USP47: variants seen among roughly 807,000 people sequenced by gnomAD.
The protein encoded by USP47 is ubiquitin specific peptidase 47, also known as ubiquitin carboxyl-terminal hydrolase 47.
USP47 carries 35 observed loss-of-function variants against 165.1 expected under a neutral mutation model. The ratio of observed to expected loss-of-function variants is 0.21; its 90% confidence interval spans 0.16 to 0.28. USP47 has a LOEUF of 0.28. USP47 is among the 10% of genes least tolerant of loss of function. USP47 has a pLI of 1.00. For synonymous variants in USP47, 531 were observed against 544.5 expected (o/e 0.98, Z 0.35); for missense variants, 1,277 against 1,607.4 (o/e 0.79, Z 3.52).
intron 19 of USP47, among the ~76,000 whole-genome samples, 169 bp downstream of exon 19, chr11:11,940,717 C>T (rs1012083778): frequency 2.6e-5 from 4 of 151,918 alleles, no homozygotes; most frequent in Non-Finnish European, 4.4e-5. Context: ...AGGTCAGGCT[C>T]CCTTCTGTCC....
chr11:11,913,199 GA>G (rs1327156186), intron 8 of USP47, among the ~76,000 whole-genome samples: 1 of 97,974 alleles, frequency 1.0e-5, no homozygotes, highest in Non-Finnish European at 2.0e-5. Flanking sequence ...ACTAAAGGAA[GA>G]AATAAAATTG....
At chr11:11,857,675 C>T (rs1270511858) in intron 1 of USP47, among the ~76,000 whole-genome samples, 1 of 152,202 alleles carries the variant, frequency 6.6e-6, no homozygotes, top group East Asian at 1.9e-4. Context: ...CCCTCACTTT[C>T]CATGCCTAAG....
intron 4 of USP47, among the ~76,000 whole-genome samples, chr11:11,896,721 A>G (rs1054760657): frequency 2.0e-5 from 3 of 152,188 alleles, no homozygotes; most frequent in Non-Finnish European, 2.9e-5. Flanking sequence ...ACAGTGAGAT[A>G]AAGGCTCTAA....
At chr11:11,887,876 C>T (rs1269394847) in intron 3 of USP47, among the ~76,000 whole-genome samples, 1 of 152,170 alleles carries the variant, frequency 6.6e-6, no homozygotes, top group Non-Finnish European at 1.5e-5. Flanking sequence ...AACAGACTCT[C>T]AGACCATAGC....
At chr11:11,938,431 A>C in intron 18 of USP47, 59 bp downstream of exon 18, 1 of 1,249,280 alleles carries the variant, frequency 8.0e-7, no homozygotes, top group South Asian at 1.3e-5. Context: ...TACAAGACAC[A>C]CTATGTGACA....
intron 8 of USP47, among the ~76,000 whole-genome samples, chr11:11,909,459 T>C (rs1852806269): frequency 6.6e-6 from 1 of 152,182 alleles, no homozygotes; most frequent in South Asian, 2.1e-4. Flanking sequence ...TTTTTGTTTG[T>C]TAATTATGAA....
At chr11:11,899,118 G>A (rs1852030040) in intron 5 of USP47, among the ~76,000 whole-genome samples, 1 of 152,026 alleles carries the variant, frequency 6.6e-6, no homozygotes, top group Non-Finnish European at 1.5e-5. Flanking sequence ...GTGTGTTGCG[G>A]GGGGCTTCAG....
chr11:11,884,551 A>G lies in USP47; in HGVS notation c.328A>G (p.Lys110Glu). 3 of 1,609,950 alleles carry G rather than the reference A, an allele frequency of 1.9e-6. No homozygotes were observed. The highest frequency in any genetic ancestry group is 2.5e-6 in the Non-Finnish European group (3 of 1,178,766). Residue 110 changes from lysine to glutamate, a missense_variant, in exon 3 of 28, where the codon AAA (lysine) becomes GAA (glutamate). Lys to Glu is a moderately conservative substitution (Grantham distance 56). This residue lies in a region of USP47 where 181 missense variants were observed against 194.7 expected (regional missense o/e 0.93). Transcript: ENST00000527733. The stretch of plus-strand genomic sequence containing the variant: ...GAAGAACTTTCTGCATTTGACAGAT[A>G]AAGATGGTGAACAACCTCAAATACT... ...GKKNFLHLTDKDGEQPQILLE... is the reference protein window; with the variant it reads ...GKKNFLHLTDEDGEQPQILLE...
intron 22 of USP47, 40 bp from the exon 23 acceptor site, chr11:11,949,849 G>A (rs1856098668): frequency 7.3e-7 from 1 of 1,360,904 alleles, no homozygotes; most frequent in South Asian, 1.2e-5. Context: ...TGTACTTAAG[G>A]TATAATTCAA....
chr11:11,942,514 T>C lies in USP47; in HGVS notation c.2493T>C (p.Asn831=). 1.2e-6 allele frequency: 2 copies of C among 1,613,556 alleles called. No homozygotes were observed. The highest frequency in any genetic ancestry group is 1.7e-6 in the Non-Finnish European group (2 of 1,179,724). ...AYQKAGGDSG[N]VDDDCERVKG... is the part of the protein sequence containing the mutation. Reference sequence around the variant, plus strand: ...AGAAAGCTGGAGGCGATTCTGGTAATGTGGATGATGACTGTGAAAGAGTCA... The same window carrying C: ...AGAAAGCTGGAGGCGATTCTGGTAACGTGGATGATGACTGTGAAAGAGTCA... Residue 831 remains asparagine (N), a synonymous_variant, in exon 20 of 28, where the codon AAT becomes AAC. Coordinates refer to ENST00000527733, the MANE Select transcript of USP47 (RefSeq NM_001282659.2).
intron 2 of USP47, among the ~76,000 whole-genome samples, chr11:11,883,241 T>C (rs1238670882): frequency 1.3e-5 from 2 of 152,252 alleles, no homozygotes; most frequent in Non-Finnish European, 2.9e-5. Context: ...GATTGATAGA[T>C]GTGAGCCAAA....
intron 27 of USP47, 118 bp downstream of exon 27, chr11:11,955,282 A>T: frequency 1.6e-6 from 2 of 1,246,788 alleles, no homozygotes; most frequent in Non-Finnish European, 2.1e-6. Flanking sequence ...AACCGGTAGA[A>T]ATACAGTGAC....
Position 11,884,452 on chromosome 11 carries a change from G to A in USP47, c.244-15G>A. The A allele has an allele frequency of 6.5e-7, 1 of 1,545,656 alleles. No homozygotes were observed. The highest frequency in any genetic ancestry group is 8.7e-7 in the Non-Finnish European group (1 of 1,144,850). ...TGTTTCTCATAATCTGAAACATTATGTTTTATGTCCATAGGCACCACTGGA... is the reference window on the plus strand; with the variant it reads ...TGTTTCTCATAATCTGAAACATTATATTTTATGTCCATAGGCACCACTGGA... On this transcript the variant is annotated splice_polypyrimidine_tract_variant and intron_variant, in intron 2 of 27. Transcript: ENST00000527733.
At chr11:11,914,997 T>A (rs992160905) in intron 8 of USP47, among the ~76,000 whole-genome samples, 21 of 152,160 alleles carry the variant, frequency 1.4e-4, no homozygotes, top group Non-Finnish European at 2.6e-4. Flanking sequence ...CCCAGAAAAA[T>A]TGAAATTTAT....
chr11:11,938,924 A>G lies in USP47; in HGVS notation c.2193+552A>G, dbSNP rs73413244. On this transcript the variant is annotated intron_variant, in intron 18 of 27. Transcript: ENST00000527733. Reference sequence around the variant, plus strand: ...TTAAATGTTGGGGTAAAGCAGATGCACCGATGACCTGAGCCAGGGGTTTCA... The same window carrying G: ...TTAAATGTTGGGGTAAAGCAGATGCGCCGATGACCTGAGCCAGGGGTTTCA... Among the ~76,000 whole-genome samples the G allele has an allele frequency of 5.1e-3, 778 of 152,072 alleles. 6 individuals carry two copies. The highest frequency in any genetic ancestry group is 0.018 in the African/African-American group (737 of 41,522).
intron 19 of USP47, among the ~76,000 whole-genome samples, chr11:11,940,835 A>G (rs1232371005): frequency 1.3e-5 from 2 of 149,998 alleles, no homozygotes; most frequent in Non-Finnish European, 3.0e-5. Context: ...CAGTCTCCAG[A>G]TTAGTCCTAC....
At chr11:11,912,187 A>T in intron 8 of USP47, among the ~76,000 whole-genome samples, 1 of 151,818 alleles carries the variant, frequency 6.6e-6, no homozygotes, top group Non-Finnish European at 1.5e-5. Flanking sequence ...AAAGAAACCC[A>T]AAGCAAGCGG....
intron 5 of USP47, among the ~76,000 whole-genome samples, chr11:11,901,014 G>A (rs1590337824): frequency 6.6e-6 from 1 of 152,308 alleles, no homozygotes; most frequent in African/African-American, 2.4e-5. Context: ...AAAGGGAGCT[G>A]GGGATTGAGA....
rs200356471 is a variant in USP47, at chr11:11,866,882, T to TG, written c.40-13295_40-13294insG. 8.8e-3 allele frequency among the ~76,000 whole-genome samples: 1,337 copies of TG among 152,186 alleles called. 19 individuals carry two copies. The highest frequency in any genetic ancestry group is 0.025 in the South Asian group (121 of 4,820). ...CTGTTGTTCTCTCTGACTGCATTTT[T>TG]TTTTTTAATTTTTAATTTTTACTTT... On this transcript the variant is annotated intron_variant, in intron 1 of 27. Coordinates refer to ENST00000527733, the MANE Select transcript of USP47 (RefSeq NM_001282659.2).
Sources: gnomAD v4.1 joint callset for allele counts (sites outside exome capture counted in the v4.1 genomes callset) on GRCh38, gnomAD v4.1.1 for gene constraint, gnomAD v4.1.1 regional missense constraint, MANE v1.5 for transcripts, NCBI Gene and HGNC (gene_info 2026-07-23, HGNC 2026-07-21) for gene names.